PTCHD4: variants seen among roughly 807,000 people sequenced by gnomAD.
PTCHD4 encodes the protein patched domain containing 4.
Under a neutral mutation model 58.1 loss-of-function variants are expected in PTCHD4, and 33 were observed. That is an observed-to-expected ratio of 0.57 (90% CI 0.43 to 0.76). The LOEUF (loss-of-function observed/expected upper bound fraction) is 0.76. Among genes scored for constraint, PTCHD4 ranks in the 30% least tolerant of loss-of-function variants. The pLI is 0.00. For missense variants in PTCHD4, 1,058 were observed against 1,027.1 expected (o/e 1.03, Z -0.41); for synonymous variants, 478 against 409.6 (o/e 1.17, Z -2.02).
intron 3 of PTCHD4, among the ~76,000 whole-genome samples, chr6:48,038,053 A>T (rs1582059560): frequency 6.6e-6 from 1 of 152,286 alleles, no homozygotes; most frequent in Non-Finnish European, 1.5e-5. Flanking sequence ...CCAAAAAGAA[A>T]AAATAAAGAC....
intron 4 of PTCHD4, among the ~76,000 whole-genome samples, chr6:48,001,465 A>G (rs1039936701): frequency 1.5e-4 from 23 of 152,358 alleles, no homozygotes; most frequent in Admixed American, 5.2e-4. Context: ...CATATCTACA[A>G]CCATCTGATC....
intron 4 of PTCHD4, among the ~76,000 whole-genome samples, chr6:48,008,053 A>G (rs552650278): frequency 6.6e-6 from 1 of 152,340 alleles, no homozygotes; most frequent in African/African-American, 2.4e-5. Context: ...GCTATTCATT[A>G]ATTCTTTTCA....
chr6:48,008,818 G>A lies in PTCHD4; in HGVS notation c.714C>T (p.Leu238=), dbSNP rs267601057. 6 of 1,613,862 alleles carry A rather than the reference G, an allele frequency of 3.7e-6. No individual in the cohort carries two copies. The East Asian group carries it at 6.7e-5, about 18-fold the overall frequency. The change falls in exon 4 of 5, where the codon CTC becomes CTT. Residue 238 remains leucine, a synonymous_variant. Coordinates refer to ENST00000339488, the MANE Select transcript of PTCHD4 (RefSeq NM_001384253.1). ...ILARSKVLVS[L]VLILTTATLS... ...GGGTGGCTGTGGTCAGGATCAGCAC[G>A]AGGCTCACCAGGACCTTGCTTCTGG...
intron 3 of PTCHD4, among the ~76,000 whole-genome samples, chr6:48,062,615 T>C (rs773111992): frequency 1.2e-4 from 18 of 152,144 alleles, no homozygotes; most frequent in Non-Finnish European, 2.2e-4. Context: ...GCCAAGCAAT[T>C]CTTTAGCCCA....
At chr6:48,004,785 C>CAG (rs1762366154) in intron 4 of PTCHD4, among the ~76,000 whole-genome samples, 1 of 152,084 alleles carries the variant, frequency 6.6e-6, no homozygotes, top group Non-Finnish European at 1.5e-5. Flanking sequence ...GGCGTGGTGG[C>CAG]ACACGCCTAT....
At chr6:47,887,387 C>G (rs981574496) in intron 4 of PTCHD4, among the ~76,000 whole-genome samples, 5 of 151,916 alleles carry the variant, frequency 3.3e-5, no homozygotes, top group African/African-American at 1.2e-4. Flanking sequence ...CTATATTCAG[C>G]AATGGGTTTT....
chr6:48,015,426 G>A (rs906183396), intron 3 of PTCHD4, among the ~76,000 whole-genome samples: 3 of 151,906 alleles, frequency 2.0e-5, no homozygotes, highest in Admixed American at 2.0e-4. Flanking sequence ...ATTTCTAGAG[G>A]AGTCCTCAGA....
chr6:47,882,614 T>G (rs73475600), intron 4 of PTCHD4, among the ~76,000 whole-genome samples: 9,827 of 151,622 alleles, frequency 0.065, 385 homozygotes, highest in Middle Eastern at 0.099. Context: ...TTAGCTTTGT[T>G]TATGTTATTT....
At chr6:47,954,434 A>G (rs1766774702) in intron 4 of PTCHD4, among the ~76,000 whole-genome samples, 1 of 152,176 alleles carries the variant, frequency 6.6e-6, no homozygotes, top group Non-Finnish European at 1.5e-5. Flanking sequence ...TTTCCTTCAT[A>G]CAGCAAACAT....
Position 47,870,477 on chromosome 6 carries a change from G to A in PTCHD4, c.*7826C>T, listed in dbSNP as rs1397793648. ...ATGGGAAATAATTTGTTCTTTATTT[G>A]TTTCTATTATAGTTAAGAAAAACCT... On this transcript the variant is annotated 3_prime_UTR_variant, in exon 5 of 5. Coordinates refer to ENST00000339488, the MANE Select transcript of PTCHD4 (RefSeq NM_001384253.1). 1.3e-5 allele frequency among the ~76,000 whole-genome samples: 2 copies of A among 151,394 alleles called. No individual in the cohort carries two copies. The highest frequency in any genetic ancestry group is 1.5e-5 in the Non-Finnish European group (1 of 67,628).
At chr6:47,895,049 C>T (rs957636025) in intron 4 of PTCHD4, among the ~76,000 whole-genome samples, 3 of 152,064 alleles carry the variant, frequency 2.0e-5, no homozygotes, top group East Asian at 1.9e-4. Flanking sequence ...GCAGGAGAAT[C>T]GCTTGAACCC....
intron 1 of PTCHD4, among the ~76,000 whole-genome samples, chr6:48,076,315 G>A (rs934571028): frequency 6.6e-6 from 1 of 152,166 alleles, no homozygotes. Context: ...ATTCCTCAAA[G>A]TTATCCATAA....
intron 4 of PTCHD4, among the ~76,000 whole-genome samples, chr6:47,895,533 C>G (rs768767697): frequency 5.3e-5 from 8 of 152,170 alleles, no homozygotes; most frequent in African/African-American, 1.9e-4. Context: ...AATAAGATAG[C>G]CTGCCTTTCA....
intron 4 of PTCHD4, among the ~76,000 whole-genome samples, chr6:47,984,516 T>A (rs929963466): frequency 1.3e-4 from 20 of 152,124 alleles, no homozygotes; most frequent in African/African-American, 3.6e-4. Context: ...AAATTCAGAT[T>A]ACAATTGTCA....
chr6:48,016,787 G>C (rs1331411846), intron 3 of PTCHD4, among the ~76,000 whole-genome samples: 1 of 150,558 alleles, frequency 6.6e-6, no homozygotes, highest in East Asian at 1.9e-4. Context: ...AAAGTGATAA[G>C]AGAGGATGGA....
chr6:47,936,031 C>T (rs1765987659), intron 4 of PTCHD4, among the ~76,000 whole-genome samples: 1 of 152,050 alleles, frequency 6.6e-6, no homozygotes, highest in African/African-American at 2.4e-5. Context: ...TGAGTCTTAT[C>T]CTGAGTGAGA....
At position 47,867,609 on chromosome 6, in the gene PTCHD4, A is replaced by G. The variant is rs755129542; in HGVS notation, c.*10694T>C. Among the ~76,000 whole-genome samples the G allele has an allele frequency of 6.6e-5, 10 of 151,586 alleles. No individual in the cohort carries two copies. The highest frequency in any genetic ancestry group is 2.4e-4 in the African/African-American group (10 of 41,310). ...AACAAGTCTCTTCTGGGTTGCTATC[A>G]TCTCATCTGTTATAGCCTTCATCCT... On this transcript the variant is annotated 3_prime_UTR_variant, in exon 5 of 5. Coordinates refer to ENST00000339488, the MANE Select transcript of PTCHD4 (RefSeq NM_001384253.1).
At chr6:47,891,843 T>C (rs1009688973) in intron 4 of PTCHD4, among the ~76,000 whole-genome samples, 1 of 152,206 alleles carries the variant, frequency 6.6e-6, no homozygotes, top group Admixed American at 6.5e-5. Flanking sequence ...AGGATGCTGG[T>C]ATTTTATAAC....
In PTCHD4 at chr6:47,865,680, T is replaced by C. The variant is rs2114067356; in HGVS notation, c.*12623A>G. 6.6e-6 allele frequency among the ~76,000 whole-genome samples: 1 copy of C among 151,980 alleles called. No individual in the cohort carries two copies. The highest frequency in any genetic ancestry group is 2.4e-5 in the African/African-American group (1 of 41,526). ...TTCAGGCCAATATTACCTTCATTGC[T>C]GATGACCACAACAGCCTCCTAACTT... On this transcript the variant is annotated 3_prime_UTR_variant, in exon 5 of 5. Transcript: ENST00000339488.
Sources: gnomAD v4.1 joint callset for allele counts (sites outside exome capture counted in the v4.1 genomes callset) on GRCh38, gnomAD v4.1.1 for gene constraint, MANE v1.5 for transcripts, NCBI Gene and HGNC (gene_info 2026-07-23, HGNC 2026-07-21) for gene names.